The following DOCK4 variants were observed in gnomAD, a reference collection of about 807,000 sequenced individuals.
DOCK4 encodes the protein dedicator of cytokinesis protein 4.
Under a neutral mutation model 268.1 loss-of-function variants are expected in DOCK4, and 97 were observed. The observed-to-expected ratio is 0.36, with a 90% CI of 0.31 to 0.43. DOCK4 has a LOEUF of 0.43. DOCK4 is among the 20% of genes least tolerant of loss of function. The pLI, the probability that DOCK4 is intolerant of heterozygous loss-of-function variation, is 1.00. For missense variants in DOCK4, 2,145 were observed against 2,455.7 expected (o/e 0.87, Z 2.67); for synonymous variants, 954 against 887.2 (o/e 1.08, Z -1.34).
rs143491395 is a variant in DOCK4, at chr7:111,946,861, C to T, written c.702-1063G>A. ...CCTCCCGATATGCTGGGATTACAGG[C>T]ATGAGTCATTGCACCAAGCCATGGA... is the stretch of plus-strand genomic sequence containing the variant. On this transcript the variant is annotated intron_variant, in intron 8 of 52. Transcript: ENST00000428084. Among the ~76,000 whole-genome samples the T allele has an allele frequency of 1.5e-3, 228 of 152,292 alleles. 1 individual carries two copies. The highest frequency in any genetic ancestry group is 2.4e-3 in the Non-Finnish European group (160 of 68,024).
chr7:111,991,429 A>G (rs1304655707), intron 5 of DOCK4, among the ~76,000 whole-genome samples: 1 of 152,236 alleles, frequency 6.6e-6, no homozygotes, highest in Admixed American at 6.5e-5. Flanking sequence ...ATTTAATGCT[A>G]AATGAAAACA....
chr7:112,127,311 C>CA (rs1248889595), intron 1 of DOCK4, among the ~76,000 whole-genome samples: 3 of 148,198 alleles, frequency 2.0e-5, no homozygotes, highest in Middle Eastern at 3.2e-3. Flanking sequence ...ATCGCAAGGA[C>CA]AAAAAACCAA....
chr7:112,145,841 C>G (rs1015500808), intron 1 of DOCK4, among the ~76,000 whole-genome samples: 1 of 151,930 alleles, frequency 6.6e-6, no homozygotes, highest in Non-Finnish European at 1.5e-5. Flanking sequence ...AAATGGGGCA[C>G]TGGGTGGGTC....
intron 2 of DOCK4, among the ~76,000 whole-genome samples, chr7:112,001,173 A>G (rs1004476548): frequency 1.3e-5 from 2 of 152,190 alleles, no homozygotes; most frequent in African/African-American, 4.8e-5. Flanking sequence ...CGTAATTTTT[A>G]TTCTGTAGAA....
chr7:111,875,513 C>T (rs545666553), intron 17 of DOCK4, among the ~76,000 whole-genome samples: 1 of 152,194 alleles, frequency 6.6e-6, no homozygotes, highest in Non-Finnish European at 1.5e-5. Context: ...ATGTTTCCCT[C>T]ACACAGCAAA....
chr7:111,900,345 A>C (rs1257792990), intron 15 of DOCK4, 29 bp downstream of exon 15: 3 of 1,606,998 alleles, frequency 1.9e-6, no homozygotes, highest in East Asian at 4.5e-5. Flanking sequence ...CACAATAGAC[A>C]CAGGTAGCCA....
intron 8 of DOCK4, among the ~76,000 whole-genome samples, chr7:111,961,583 T>C (rs1796900054): frequency 6.6e-6 from 1 of 152,262 alleles, no homozygotes; most frequent in East Asian, 1.9e-4. Context: ...TTTAAGGATT[T>C]AAGCATACAA....
intron 1 of DOCK4, among the ~76,000 whole-genome samples, chr7:112,180,573 C>T (rs1818935761): frequency 6.6e-6 from 1 of 152,134 alleles, no homozygotes; most frequent in South Asian, 2.1e-4. Context: ...GAGAAGGGTG[C>T]CCATGATAAA....
At chr7:111,961,734 A>G (rs542908044) in intron 8 of DOCK4, among the ~76,000 whole-genome samples, 5 of 152,344 alleles carry the variant, frequency 3.3e-5, no homozygotes, top group African/African-American at 1.2e-4. Flanking sequence ...TTAAGAAAAC[A>G]TTCCTCTTAA....
intron 30 of DOCK4, among the ~76,000 whole-genome samples, chr7:111,802,082 C>T (rs73434257): frequency 0.083 from 12,682 of 152,146 alleles, 1,788 homozygotes; most frequent in African/African-American, 0.29. Flanking sequence ...TCTATCAACA[C>T]ATACAATTCC....
At chr7:111,929,456 T>C (rs1794015198) in intron 12 of DOCK4, among the ~76,000 whole-genome samples, 1 of 152,218 alleles carries the variant, frequency 6.6e-6, no homozygotes, top group African/African-American at 2.4e-5. Context: ...ATATTAAATG[T>C]CTAACCAATA....
chr7:111,893,568 G>A (rs535542448), intron 16 of DOCK4, among the ~76,000 whole-genome samples: 1 of 152,304 alleles, frequency 6.6e-6, no homozygotes, highest in South Asian at 2.1e-4. Flanking sequence ...TCAAGACATT[G>A]CCTGTTATAT....
At chr7:111,886,264 T>C (rs566787020) in intron 16 of DOCK4, among the ~76,000 whole-genome samples, 24 of 152,218 alleles carry the variant, frequency 1.6e-4, no homozygotes, top group Non-Finnish European at 2.9e-4. Context: ...AAATAGTTTT[T>C]GGAGGAAAAT....
At chr7:111,813,111 C>T (rs1801264778) in intron 27 of DOCK4, among the ~76,000 whole-genome samples, 1 of 152,142 alleles carries the variant, frequency 6.6e-6, no homozygotes, top group Non-Finnish European at 1.5e-5. Flanking sequence ...CCTTGAGCTA[C>T]TATAAACTGA....
chr7:111,904,717 G>C (rs924913560), intron 13 of DOCK4, among the ~76,000 whole-genome samples: 1 of 152,102 alleles, frequency 6.6e-6, no homozygotes, highest in Non-Finnish European at 1.5e-5. Flanking sequence ...TACTGCTATG[G>C]TGTGTGACAT....
chr7:111,911,573 T>C (rs1398285341), intron 13 of DOCK4, among the ~76,000 whole-genome samples: 4 of 152,152 alleles, frequency 2.6e-5, no homozygotes, highest in Non-Finnish European at 5.9e-5. Context: ...TCCTGGACAG[T>C]GTAGACTTCG....
At chr7:111,819,811 T>C (rs1801841405) in intron 27 of DOCK4, 1 of 152,166 alleles carries the variant, frequency 6.6e-6, no homozygotes, top group Non-Finnish European at 1.5e-5. Context: ...ACGACTGGGT[T>C]AATAAAAGTG....
intron 1 of DOCK4, among the ~76,000 whole-genome samples, chr7:112,204,772 C>T (rs1438645643): frequency 1.3e-5 from 2 of 151,900 alleles, no homozygotes; most frequent in Non-Finnish European, 1.5e-5. Context: ...CCTCGGACTA[C>T]GACTCCCTGG....
In DOCK4 at chr7:111,994,155, T is replaced by C. The variant is rs746473436; in HGVS notation, c.295A>G (p.Met99Val). The C allele has an allele frequency of 1.0e-5, 16 of 1,606,048 alleles. No individual in the cohort carries two copies. The East Asian group carries it at 3.4e-4, about 34-fold the overall frequency. ...TTAACCACATAGAGTTGTTTCCACATGGTTCCCCAGTCTCTTAATGTTGAT... is the reference window on the plus strand; with the variant it reads ...TTAACCACATAGAGTTGTTTCCACACGGTTCCCCAGTCTCTTAATGTTGAT... ...MTSTLRDWGT[M>V]WKQLYVRNEG... Residue 99 changes from methionine to valine, a missense_variant, in exon 5 of 53, where the codon ATG becomes GTG. Met to Val is a conservative substitution (Grantham distance 21). Transcript: ENST00000428084.
Sources: gnomAD v4.1 joint callset for allele counts (sites outside exome capture counted in the v4.1 genomes callset) on GRCh38, gnomAD v4.1.1 for gene constraint, MANE v1.5 for transcripts, NCBI Gene and HGNC (gene_info 2026-07-23, HGNC 2026-07-21) for gene names.